PLCXD2: variants seen among roughly 807,000 people sequenced by gnomAD.
PLCXD2 encodes PI-PLC X domain-containing protein 2.
A neutral mutation model predicts 28.6 loss-of-function variants in PLCXD2; 21 were observed. The ratio of observed to expected loss-of-function variants is 0.73; its 90% CI spans 0.52 to 1.06. PLCXD2 has a LOEUF of 1.06. PLCXD2 is among the 50% of genes least tolerant of loss of function. The probability of loss-of-function intolerance (pLI) is 0.00; values close to 1 mark genes in which losing one functional copy is unlikely to be tolerated. For missense variants in PLCXD2, 369 were observed against 376.7 expected (o/e 0.98, Z 0.17); for synonymous variants, 140 against 150.1 (o/e 0.93, Z 0.49).
intron 1 of PLCXD2, among the ~76,000 whole-genome samples, chr3:111,691,106 G>C (rs969067232): frequency 1.8e-4 from 27 of 152,146 alleles, no homozygotes; most frequent in African/African-American, 6.5e-4. Flanking sequence ...GAAATTCTCA[G>C]CCAAAAAGCA....
At chr3:111,718,459 C>A (rs867188726) in intron 3 of PLCXD2, among the ~76,000 whole-genome samples, 16 of 148,234 alleles carry the variant, frequency 1.1e-4, no homozygotes, top group Middle Eastern at 6.9e-3. Flanking sequence ...AGGAAGACTC[C>A]GTCTCAAAAA....
intron 1 of PLCXD2, chr3:111,692,417 G>A (rs549522952): frequency 6.6e-6 from 1 of 152,474 alleles, no homozygotes; most frequent in African/African-American, 2.4e-5. Context: ...AATTTTTAAA[G>A]AGATATGTAC....
At chr3:111,710,023 G>A (rs996088446) in intron 2 of PLCXD2, among the ~76,000 whole-genome samples, 7 of 152,160 alleles carry the variant, frequency 4.6e-5, no homozygotes, top group Non-Finnish European at 7.3e-5. Flanking sequence ...AGGTAGAGCC[G>A]ACAGGGTTTC....
At chr3:111,723,955 A>G (rs1223765994) in intron 3 of PLCXD2, 2 of 152,166 alleles carry the variant, frequency 1.3e-5, no homozygotes, top group Non-Finnish European at 2.9e-5. Context: ...TTTAGGTCAT[A>G]TTTATTCTGA....
At chr3:111,707,531 T>C (rs1043660065) in intron 1 of PLCXD2, among the ~76,000 whole-genome samples, 3 of 152,228 alleles carry the variant, frequency 2.0e-5, no homozygotes, top group African/African-American at 7.2e-5. Flanking sequence ...GAATATTCTT[T>C]GGCAGACATC....
At position 111,717,793 on chromosome 3, in the gene PLCXD2, A is replaced by G. The variant is rs148263100; in HGVS notation, c.866+3665A>G. On this transcript the variant is annotated intron_variant, in intron 3 of 4. Coordinates refer to ENST00000477665, the MANE Select transcript of PLCXD2 (RefSeq NM_001185106.1). ...ATGAAGTCTTGAATCTATCAGGTTCAGTACTACTGTGTCCTTGGTGTGGTT... is the reference window on the plus strand; with the variant it reads ...ATGAAGTCTTGAATCTATCAGGTTCGGTACTACTGTGTCCTTGGTGTGGTT... Among the ~76,000 whole-genome samples, 286 of 152,314 alleles carry G rather than the reference A, an allele frequency of 1.9e-3. 2 individuals carry two copies. Among genetic ancestry groups the G allele is most frequent in the Middle Eastern group, 6.8e-3 (2 of 294 alleles).
chr3:111,691,669 C>A (rs898552290), intron 1 of PLCXD2, among the ~76,000 whole-genome samples: 65 of 152,302 alleles, frequency 4.3e-4, no homozygotes, highest in African/African-American at 1.5e-3. Context: ...CTTGTTTAAT[C>A]AATAAGGACA....
At chr3:111,714,286 G>A (rs946416454) in intron 3 of PLCXD2, among the ~76,000 whole-genome samples, 158 bp downstream of exon 3, 1 of 152,180 alleles carries the variant, frequency 6.6e-6, no homozygotes, top group African/African-American at 2.4e-5. Context: ...TGCAGTTGAG[G>A]TGGATTGTAT....
intron 1 of PLCXD2, among the ~76,000 whole-genome samples, chr3:111,703,515 G>A (rs962548793): frequency 6.6e-6 from 1 of 152,262 alleles, no homozygotes; most frequent in East Asian, 1.9e-4. Flanking sequence ...CACCAGAGGG[G>A]ATTCATCTCT....
chr3:111,726,058 T>TACCTG (rs5851779), intron 3 of PLCXD2: 385,173 of 394,610 alleles, frequency 0.98, 188,036 homozygotes, highest in East Asian at 1. Flanking sequence ...ATTAGAACTA[T>TACCTG]ACTGGAGCCC....
At chr3:111,681,324 C>G (rs1447580607) in intron 1 of PLCXD2, among the ~76,000 whole-genome samples, 1 of 152,216 alleles carries the variant, frequency 6.6e-6, no homozygotes, top group African/African-American at 2.4e-5. Flanking sequence ...CCCCAGACAT[C>G]CAGAGCCTTT....
chr3:111,716,023 C>T (rs372349361), intron 3 of PLCXD2, among the ~76,000 whole-genome samples: 117 of 152,322 alleles, frequency 7.7e-4, no homozygotes, highest in African/African-American at 2.7e-3. Flanking sequence ...TTGGCATGCG[C>T]CCAAAGCCAA....
chr3:111,691,715 G>T (rs1315656693), intron 1 of PLCXD2, among the ~76,000 whole-genome samples: 4 of 152,184 alleles, frequency 2.6e-5, no homozygotes, highest in African/African-American at 4.8e-5. Flanking sequence ...GTATCTTTGT[G>T]TGCACTGAGG....
In PLCXD2 at chr3:111,713,959, C is replaced by T; in HGVS notation, c.697C>T (p.Pro233Ser). ...GTGGCCAGGAAAGAAGATTCCAGCGCCCTGGGCAAACACCACAAGTGTGCG... is the reference window on the plus strand; with the variant it reads ...GTGGCCAGGAAAGAAGATTCCAGCGTCCTGGGCAAACACCACAAGTGTGCG... Residue 233 changes from proline (P) to serine (S), a missense_variant, in exon 3 of 5, where the codon CCC becomes TCC. Coordinates refer to ENST00000477665, the MANE Select transcript of PLCXD2 (RefSeq NM_001185106.1). 6.2e-6 allele frequency: 10 copies of T among 1,614,138 alleles called. No individual in the cohort carries two copies. Among genetic ancestry groups the T allele is most frequent in the Non-Finnish European group, 8.5e-6 (10 of 1,180,028 alleles).
At chr3:111,683,688 G>C (rs1940750976) in intron 1 of PLCXD2, among the ~76,000 whole-genome samples, 1 of 152,152 alleles carries the variant, frequency 6.6e-6, no homozygotes, top group Non-Finnish European at 1.5e-5. Context: ...AGTATAGTTG[G>C]AGAAATGGTC....
At chr3:111,705,470 T>C (rs906530205) in intron 1 of PLCXD2, among the ~76,000 whole-genome samples, 1 of 152,162 alleles carries the variant, frequency 6.6e-6, no homozygotes, top group African/African-American at 2.4e-5. Context: ...GCAGTAAACA[T>C]GGGGGTGCAG....
intron 2 of PLCXD2, among the ~76,000 whole-genome samples, chr3:111,711,426 A>C (rs1941198601): frequency 6.6e-6 from 1 of 152,214 alleles, no homozygotes; most frequent in Admixed American, 6.5e-5. Flanking sequence ...TAAATAAAAT[A>C]AAATAAAGCT....
chr3:111,713,752 T>C (rs1941231382), intron 2 of PLCXD2, 135 bp from the exon 3 acceptor site: 2 of 909,904 alleles, frequency 2.2e-6, no homozygotes, highest in Non-Finnish European at 3.1e-6. Flanking sequence ...AAATATATAT[T>C]AATATAAACA....
chr3:111,676,267 G>A (rs1940620503), intron 1 of PLCXD2, among the ~76,000 whole-genome samples: 1 of 152,158 alleles, frequency 6.6e-6, no homozygotes. Context: ...AGCAGGGGAT[G>A]GACTACTGCC....
Sources: gnomAD v4.1 joint callset for allele counts (sites outside exome capture counted in the v4.1 genomes callset) on GRCh38, gnomAD v4.1.1 for gene constraint, MANE v1.5 for transcripts, NCBI Gene and HGNC (gene_info 2026-07-23, HGNC 2026-07-21) for gene names.